FGF12: variants seen among roughly 807,000 people sequenced by gnomAD.
The protein encoded by FGF12 is fibroblast growth factor 12B.
In FGF12, 14 loss-of-function variants were observed where a neutral mutation model predicts 23.6. That is an observed-to-expected ratio of 0.59 (90% CI 0.39 to 0.93). FGF12 has a LOEUF of 0.93. Ranked by LOEUF, FGF12 falls within the 40% of genes least tolerant of loss-of-function variation. The probability of loss-of-function intolerance (pLI) is 0.00; values close to 1 mark genes in which losing one functional copy is unlikely to be tolerated. For synonymous variants in FGF12, 62 were observed against 77.3 expected (o/e 0.80, Z 1.04); for missense variants, 175 against 217.8 (o/e 0.80, Z 1.24).
chr3:192,687,512 G>T lies in FGF12; in HGVS notation c.13+39669C>A, dbSNP rs980350463. Reference sequence around the variant, plus strand: ...TCACCACCAAGGAGAGGTAGTCAAAGTCAGAATTGGGTTGGCCTAATTTAA... The same window carrying T: ...TCACCACCAAGGAGAGGTAGTCAAATTCAGAATTGGGTTGGCCTAATTTAA... On this transcript the variant is annotated intron_variant, in intron 2 of 5. Transcript: ENST00000445105. 1.7e-4 allele frequency among the ~76,000 whole-genome samples: 26 copies of T among 152,276 alleles called. 1 individual carries two copies. The highest frequency in any genetic ancestry group is 1.4e-3 in the East Asian group (7 of 5,168).
intron 2 of FGF12, among the ~76,000 whole-genome samples, chr3:192,557,678 CA>C (rs145921593): frequency 0.021 from 3,233 of 151,770 alleles, 123 homozygotes; most frequent in African/African-American, 0.074. Flanking sequence ...AAAATGCTAG[CA>C]AACCAAATTC....
chr3:192,149,583 C>T (rs1234176307), intron 5 of FGF12, among the ~76,000 whole-genome samples: 5 of 79,920 alleles, frequency 6.3e-5, no homozygotes, highest in Admixed American at 2.8e-4. Flanking sequence ...TTTGTTCTTG[C>T]GATAGTTTAC....
intron 3 of FGF12, among the ~76,000 whole-genome samples, chr3:192,357,625 C>T (rs1235610647): frequency 6.6e-6 from 1 of 151,922 alleles, no homozygotes; most frequent in Non-Finnish European, 1.5e-5. Flanking sequence ...GTTCATGCAC[C>T]TAGTCATTCA....
intron 5 of FGF12, among the ~76,000 whole-genome samples, chr3:192,158,425 T>TTCTTTCTCTTTTTC (rs1560171683): frequency 7.4e-6 from 1 of 134,230 alleles, no homozygotes; most frequent in African/African-American, 2.9e-5. Flanking sequence ...CTCTTTCTTT[T>TTCTTTCTCTTTTTC]TCTTTTTTCT....
At chr3:192,400,857 T>C (rs1261439985) in intron 2 of FGF12, among the ~76,000 whole-genome samples, 1 of 152,232 alleles carries the variant, frequency 6.6e-6, no homozygotes, top group Non-Finnish European at 1.5e-5. Context: ...TTCTGCTCAT[T>C]CTACCTTTAC....
chr3:192,718,923 A>C (rs901859149), intron 2 of FGF12, among the ~76,000 whole-genome samples: 1 of 152,148 alleles, frequency 6.6e-6, no homozygotes, highest in Non-Finnish European at 1.5e-5. Context: ...AAAGAATACA[A>C]ACAAGCTTAA....
chr3:192,250,573 C>T (rs933520046), intron 4 of FGF12, among the ~76,000 whole-genome samples: 1 of 152,102 alleles, frequency 6.6e-6, no homozygotes, highest in South Asian at 2.1e-4. Context: ...TCTGATCATA[C>T]TCTCCCTATC....
At chr3:192,473,412 G>A (rs1402583628) in intron 2 of FGF12, among the ~76,000 whole-genome samples, 1 of 152,110 alleles carries the variant, frequency 6.6e-6, no homozygotes, top group Non-Finnish European at 1.5e-5. Flanking sequence ...AAGGCATAGT[G>A]GTCATTAAAG....
At chr3:192,671,322 A>G (rs1717106841) in intron 2 of FGF12, among the ~76,000 whole-genome samples, 1 of 152,186 alleles carries the variant, frequency 6.6e-6, no homozygotes, top group Non-Finnish European at 1.5e-5. Flanking sequence ...AGTGGAGATC[A>G]GGTGAACAGT....
chr3:192,612,076 C>G (rs1043800017), intron 2 of FGF12, among the ~76,000 whole-genome samples: 1 of 151,948 alleles, frequency 6.6e-6, no homozygotes, highest in Non-Finnish European at 1.5e-5. Context: ...CCACATGACT[C>G]TCTATATACC....
At chr3:192,713,283 GGTGGGAC>G (rs1300124760) in intron 2 of FGF12, among the ~76,000 whole-genome samples, 2 of 152,118 alleles carry the variant, frequency 1.3e-5, no homozygotes, top group African/African-American at 2.4e-5. Context: ...CTATTTCCTT[GGTGGGAC>G]GCTGAGAAAT....
At chr3:192,355,421 A>G in intron 3 of FGF12, among the ~76,000 whole-genome samples, 1 of 152,252 alleles carries the variant, frequency 6.6e-6, no homozygotes, top group Non-Finnish European at 1.5e-5. Flanking sequence ...AGACTATATC[A>G]GGAAAATATC....
chr3:192,655,416 C>G (rs926680799), intron 2 of FGF12, among the ~76,000 whole-genome samples: 17 of 152,128 alleles, frequency 1.1e-4, no homozygotes, highest in African/African-American at 4.1e-4. Flanking sequence ...GACAGACAGA[C>G]ATCTTTAGAC....
At chr3:192,265,093 A>G (rs948266506) in intron 4 of FGF12, among the ~76,000 whole-genome samples, 1 of 152,198 alleles carries the variant, frequency 6.6e-6, no homozygotes, top group Non-Finnish European at 1.5e-5. Flanking sequence ...AGGAGAAAAC[A>G]TAAAAAGCCC....
intron 2 of FGF12, among the ~76,000 whole-genome samples, chr3:192,673,601 G>A (rs1242928854): frequency 3.3e-5 from 5 of 150,716 alleles, no homozygotes; most frequent in East Asian, 3.9e-4. Flanking sequence ...ATGTGTTCTC[G>A]CTGTTCAGCT....
At chr3:192,189,048 A>G (rs1459691024) in intron 4 of FGF12, among the ~76,000 whole-genome samples, 1 of 152,216 alleles carries the variant, frequency 6.6e-6, no homozygotes, top group African/African-American at 2.4e-5. Flanking sequence ...ACACAGATTT[A>G]GGGGAAACTT....
At chr3:192,194,988 A>G (rs1716987777) in intron 4 of FGF12, among the ~76,000 whole-genome samples, 1 of 152,172 alleles carries the variant, frequency 6.6e-6, no homozygotes, top group Non-Finnish European at 1.5e-5. Context: ...TTTGTCCTCA[A>G]GTGGTTTACA....
intron 2 of FGF12, among the ~76,000 whole-genome samples, chr3:192,653,332 C>G (rs1470676405): frequency 1.3e-5 from 2 of 152,064 alleles, no homozygotes; most frequent in African/African-American, 4.8e-5. Flanking sequence ...TTAGAATAAT[C>G]AAAAAATCTC....
Position 192,485,052 on chromosome 3 carries a change from T to A in FGF12, c.14-124514A>T, listed in dbSNP as rs1002924080. Among the ~76,000 whole-genome samples, 222 of 146,834 alleles carry A rather than the reference T, an allele frequency of 1.5e-3. 2 individuals carry two copies. The highest frequency in any genetic ancestry group is 5.9e-3 in the African/African-American group (213 of 36,282). On this transcript the variant is annotated intron_variant, in intron 2 of 5. Transcript: ENST00000445105. ...TACACATAAATTTTAAAATTTTAAA[T>A]TTTATATGTGTACACATAAATTTTA... is the stretch of plus-strand genomic sequence containing the variant.
Sources: allele counts gnomAD v4.1 joint callset (sites outside exome capture counted in the v4.1 genomes callset), GRCh38; gene constraint gnomAD v4.1.1; transcripts MANE v1.5; gene names NCBI Gene and HGNC (gene_info 2026-07-23, HGNC 2026-07-21).